The following SRPRA variants were observed in gnomAD, a reference collection of about 807,000 sequenced individuals.
SRPRA encodes SRP receptor subunit alpha.
Under a neutral mutation model 61.1 loss-of-function variants are expected in SRPRA, and 30 were observed. That is an observed-to-expected ratio of 0.49 (90% confidence interval 0.37 to 0.67). The LOEUF (loss-of-function observed/expected upper bound fraction) is 0.67. SRPRA is among the 30% of genes least tolerant of loss of function. The pLI is 0.00. For missense variants in SRPRA, 759 were observed against 828.4 expected, an observed-to-expected ratio of 0.92 and a Z score of 1.03; for synonymous variants, 324 against 299.7, an observed-to-expected ratio of 1.08 and a Z score of -0.84.
the SRPRA span, among the ~76,000 whole-genome samples, chr11:126,257,008 T>G: frequency 1.3e-5 from 2 of 152,198 alleles, no homozygotes; most frequent in Non-Finnish European, 2.9e-5. Flanking sequence ...TAGACTAAAG[T>G]GCCACTTGGA....
chr11:126,253,540 A>C, the SRPRA span, among the ~76,000 whole-genome samples: 2 of 152,224 alleles, frequency 1.3e-5, no homozygotes. The surrounding 1 kb of genome is among the most constrained non-coding windows in gnomAD (Gnocchi z 5.1). Context: ...TTGCTGTACA[A>C]GTAATGGCCG....
downstream of SRPRA, chr11:126,262,221 C>T (rs1950715954): frequency 7.0e-7 from 1 of 1,421,712 alleles, no homozygotes; most frequent in Non-Finnish European, 9.9e-7. Flanking sequence ...AAGAACCCAA[C>T]ACAATTCCCA....
At chr11:126,260,641 A>G (rs1041204353), downstream of SRPRA, 4 of 152,208 alleles carry the variant, frequency 2.6e-5, no homozygotes, top group African/African-American at 4.8e-5. Flanking sequence ...TTCTCACTGT[A>G]ATCAGGTCAA....
chr11:126,239,097 TC>T, the SRPRA span, among the ~76,000 whole-genome samples: 3 of 150,520 alleles, frequency 2.0e-5, no homozygotes, highest in Non-Finnish European at 3.0e-5. Flanking sequence ...GAACTTAGCC[TC>T]CCAGGTAGCT....
In SRPRA at chr11:126,263,751, C is replaced by T. The variant is rs546269730; in HGVS notation, c.*165G>A. ...ATGATTAGGCCTTCCTTGCAGATGGCGGCTGTGCTGAACGGGGAGTGGGGT... is the reference window on the plus strand; with the variant it reads ...ATGATTAGGCCTTCCTTGCAGATGGTGGCTGTGCTGAACGGGGAGTGGGGT... On this transcript the variant is annotated 3_prime_UTR_variant, in exon 14 of 14. Transcript: ENST00000332118. 2.4e-5 allele frequency: 23 copies of T among 964,464 alleles called. No individual in the cohort carries two copies. The highest frequency in any genetic ancestry group is 3.4e-4 in the Middle Eastern group (1 of 2,936). The allele number at this position is 964,464 out of a possible 1,614,324, so 59.7% of individuals were successfully genotyped here.
chr11:126,250,783 C>T, the SRPRA span: 1 of 1,406,958 alleles, frequency 7.1e-7, no homozygotes, highest in Non-Finnish European at 9.8e-7. The surrounding 1 kb of genome is among the most constrained non-coding windows in gnomAD (Gnocchi z 5.1). Context: ...ATTTTATCTT[C>T]CTCAGAAAAG....
downstream of SRPRA, among the ~76,000 whole-genome samples, chr11:126,259,040 C>A (rs970039759): frequency 6.6e-6 from 1 of 152,152 alleles, no homozygotes; most frequent in Admixed American, 6.5e-5. Flanking sequence ...TAAACAAAAT[C>A]AAGGATTTTC....
chr11:126,250,493 A>C, the SRPRA span: 1 of 1,594,442 alleles, frequency 6.3e-7, no homozygotes, highest in Non-Finnish European at 8.6e-7. This position sits in a 1 kb window ranked among gnomAD's most constrained non-coding sequence, Gnocchi z 5.1. Context: ...TCTTTTTTCA[A>C]ATCCCTCCTC....
At chr11:126,246,282 G>T in the SRPRA span, among the ~76,000 whole-genome samples, 2 of 152,118 alleles carry the variant, frequency 1.3e-5, no homozygotes, top group African/African-American at 4.8e-5. Flanking sequence ...AAATCTAACA[G>T]TATCAACTCA....
At position 126,265,343 on chromosome 11, in the gene SRPRA, G is replaced by A. The variant is rs148731597; in HGVS notation, c.1236C>T (p.Ala412=). ...CGACATAAGGGCGCTGGCGACGCTG[G>A]GCATCCATGATGTCCCGGAGCATGT... is the stretch of plus-strand genomic sequence containing the variant. The part of the protein sequence containing the change: ...RVDMLRDIMD[A]QRRQRPYVVT... The change falls in exon 10 of 14, where the codon GCC becomes GCT. Residue 412 remains alanine (A), a synonymous_variant. Transcript: ENST00000332118. The surrounding 1 kb of genome is among the most constrained non-coding windows in gnomAD (Gnocchi z 6.3). 6.7e-5 allele frequency: 108 copies of A among 1,613,166 alleles called. No individual in the cohort carries two copies. The highest frequency in any genetic ancestry group is 8.8e-5 in the Non-Finnish European group (104 of 1,179,812).
rs1950733007 is a variant in SRPRA, at chr11:126,262,953, T to TAA, written c.*962_*963insTT. ...TAAAAGGCAATTTATTTATGAAATT[T>TAA]ATTTTCTTATATAAATTACTTATTT... On this transcript the variant is annotated 3_prime_UTR_variant, in exon 14 of 14. Coordinates refer to ENST00000332118, the MANE Select transcript of SRPRA (RefSeq NM_003139.4). 6.5e-6 allele frequency: 1 copy of TAA among 152,682 alleles called. No individual in the cohort carries two copies. The highest frequency in any genetic ancestry group is 1.5e-5 in the Non-Finnish European group (1 of 68,050). 9.5% of individuals were successfully genotyped at this position (152,682 alleles called of 1,614,324 possible). A position where few individuals can be genotyped will look rare whatever the true frequency, so the allele number is the denominator to read the frequency against.
At chr11:126,243,050 TACA>T in the SRPRA span, among the ~76,000 whole-genome samples, 1 of 152,148 alleles carries the variant, frequency 6.6e-6, no homozygotes, top group African/African-American at 2.4e-5. Flanking sequence ...GCTCGTCCCA[TACA>T]ACAACATGGA....
chr11:126,261,192 A>C (rs569157496), downstream of SRPRA: 10 of 455,510 alleles, frequency 2.2e-5, no homozygotes, highest in Non-Finnish European at 3.9e-5. Context: ...TTTTGTCTAC[A>C]AGCAATCGTA....
the SRPRA span, among the ~76,000 whole-genome samples, chr11:126,254,885 T>G: frequency 6.6e-6 from 1 of 152,166 alleles, no homozygotes; most frequent in Admixed American, 6.5e-5. Context: ...AACTTATGGG[T>G]GTGCATGCTG....
At chr11:126,262,045 TA>T, downstream of SRPRA, 1 of 1,452,940 alleles carries the variant, frequency 6.9e-7, no homozygotes, top group South Asian at 1.1e-5. Flanking sequence ...AGGATTGACT[TA>T]AGTATCTGCA....
chr11:126,245,864 C>T, the SRPRA span, among the ~76,000 whole-genome samples: 27 of 151,910 alleles, frequency 1.8e-4, no homozygotes, highest in African/African-American at 4.6e-4. Context: ...GGCGTGGTGG[C>T]GCATGCCTGT....
At position 126,267,501 on chromosome 11, in the gene SRPRA, C is replaced by T; in HGVS notation, c.365+48G>A. ...ACCTTTGAACCACCTTCAGAGAGGT[C>T]ATCAAATCATGGAAATAAATTGATT... On this transcript the variant is annotated intron_variant, in intron 3 of 13. Coordinates refer to ENST00000332118, the MANE Select transcript of SRPRA (RefSeq NM_003139.4). The surrounding 1 kb of genome is among the most constrained non-coding windows in gnomAD (Gnocchi z 4.2). 1 of 1,610,232 alleles carries T rather than the reference C, an allele frequency of 6.2e-7. No homozygotes were observed. The highest frequency in any genetic ancestry group is 8.5e-7 in the Non-Finnish European group (1 of 1,177,676).
Position 126,265,547 on chromosome 11 carries a change from T to C in SRPRA, c.1139-107A>G, listed in dbSNP as rs1291144947. On this transcript the variant is annotated intron_variant, in intron 9 of 13. Transcript: ENST00000332118. This position sits in a 1 kb window ranked among gnomAD's most constrained non-coding sequence, Gnocchi z 6.3. ...GGGACTAAAACAGTAAATTAGACTC[T>C]TGTCCCAGAAATCCAGAACAGACGC... 2.2e-6 allele frequency: 3 copies of C among 1,347,438 alleles called. No homozygotes were observed. Among genetic ancestry groups the C allele is most frequent in the Non-Finnish European group, 3.0e-6 (3 of 986,980 alleles). 83.5% of individuals were successfully genotyped at this position (1,347,438 alleles called of 1,614,324 possible).
In SRPRA at chr11:126,266,290, G is replaced by C. The variant is rs370384804; in HGVS notation, c.841-12C>G. On this transcript the variant is annotated splice_polypyrimidine_tract_variant and intron_variant, in intron 6 of 13. Coordinates refer to ENST00000332118, the MANE Select transcript of SRPRA (RefSeq NM_003139.4). ...CCAGTCCCTCGAATCTGGAAGATAC[G>C]GGGAAAGGATGTGGGGTCAGGAACA... is the stretch of plus-strand genomic sequence containing the variant. 1.2e-6 allele frequency: 2 copies of C among 1,613,624 alleles called. No individual in the cohort carries two copies. The highest frequency in any genetic ancestry group is 3.3e-5 in the Admixed American group (2 of 60,018).
Sources: gnomAD v4.1 joint callset for allele counts (sites outside exome capture counted in the v4.1 genomes callset) on GRCh38, gnomAD v4.1.1 for gene constraint, Gnocchi (gnomAD v3.1) non-coding constraint, MANE v1.5 for transcripts, NCBI Gene and HGNC (gene_info 2026-07-23, HGNC 2026-07-21) for gene names.